The following ATAD2B variants were observed in gnomAD, a reference collection of about 807,000 sequenced individuals.
ATAD2B encodes ATPase family AAA domain containing 2B.
A neutral mutation model predicts 167.6 loss-of-function variants in ATAD2B; 40 were observed. The observed-to-expected ratio is 0.24, with a 90% CI of 0.19 to 0.31. ATAD2B has a LOEUF of 0.31. Ranked by LOEUF, ATAD2B falls within the 10% of genes least tolerant of loss-of-function variation. ATAD2B has a pLI of 1.00. For synonymous variants in ATAD2B, 579 were observed against 596.5 expected, an observed-to-expected ratio of 0.97 and a Z score of 0.43; for missense variants, 1,242 against 1,757.2, an observed-to-expected ratio of 0.71 and a Z score of 5.24.
chr2:23,836,005 C>T (rs1047414875), intron 13 of ATAD2B, among the ~76,000 whole-genome samples: 1 of 151,840 alleles, frequency 6.6e-6, no homozygotes, highest in South Asian at 2.1e-4. Context: ...GCTTTTCTGG[C>T]TGGAAACCTC....
At chr2:23,745,417 G>GAAGGAAGGAAGGAAGGAAGA (rs1553367898), downstream of ATAD2B, among the ~76,000 whole-genome samples, 52 of 113,404 alleles carry the variant, frequency 4.6e-4, no homozygotes, top group African/African-American at 1.7e-3. Context: ...AGGAAGGAAG[G>GAAGGAAGGAAGGAAGGAAGA]AAGGAAAGGG....
At chr2:23,804,848 T>C (rs544371901) in intron 18 of ATAD2B, among the ~76,000 whole-genome samples, 6 of 151,858 alleles carry the variant, frequency 4.0e-5, no homozygotes, top group Non-Finnish European at 7.4e-5. Flanking sequence ...ACTTTGAAAA[T>C]ATTTCTCTTG....
At chr2:23,863,274 A>T (rs545304369) in intron 12 of ATAD2B, 107 bp downstream of exon 12, 496 of 1,082,452 alleles carry the variant, frequency 4.6e-4, no homozygotes, top group Non-Finnish European at 6.1e-4. Flanking sequence ...ACGCTATTGC[A>T]CTCACTCCAG....
chr2:23,698,025 A>G, the ATAD2B span: 14 of 152,360 alleles, frequency 9.2e-5, no homozygotes, highest in Non-Finnish European at 1.8e-4. Context: ...GTTGATAAAT[A>G]TAGGGATTTG....
chr2:23,910,425 G>A (rs1406301114), intron 1 of ATAD2B, among the ~76,000 whole-genome samples: 1 of 149,830 alleles, frequency 6.7e-6, no homozygotes, highest in African/African-American at 2.5e-5. Flanking sequence ...TGATCCACCT[G>A]CCTAGGCCTC....
chr2:23,713,987 A>C, the ATAD2B span, among the ~76,000 whole-genome samples: 19 of 152,200 alleles, frequency 1.2e-4, no homozygotes, highest in African/African-American at 4.6e-4. Flanking sequence ...GATTTCTCAG[A>C]ATCAAAAACA....
At chr2:23,771,792 G>A (rs1490019287) in intron 22 of ATAD2B, among the ~76,000 whole-genome samples, 6 of 152,108 alleles carry the variant, frequency 3.9e-5, no homozygotes, top group Non-Finnish European at 7.4e-5. Flanking sequence ...GCCTCAGATA[G>A]TTTTCTCACA....
intron 13 of ATAD2B, chr2:23,856,502 TATAC>T (rs1693438083): frequency 5.3e-6 from 2 of 378,028 alleles, no homozygotes; most frequent in South Asian, 4.1e-5. Flanking sequence ...TAAATAGTAG[TATAC>T]ACACACACAT....
At chr2:23,772,901 C>T (rs1678555758) in intron 22 of ATAD2B, among the ~76,000 whole-genome samples, 1 of 152,136 alleles carries the variant, frequency 6.6e-6, no homozygotes, top group Admixed American at 6.5e-5. Context: ...CCACGCCTGG[C>T]TAATTTTTGT....
At chr2:23,727,414 T>C in the ATAD2B span, among the ~76,000 whole-genome samples, 1 of 152,162 alleles carries the variant, frequency 6.6e-6, no homozygotes, top group African/African-American at 2.4e-5. Context: ...AAACCACACA[T>C]AGCACTAACT....
chr2:23,856,763 G>A (rs1031158835), intron 13 of ATAD2B, among the ~76,000 whole-genome samples: 10 of 152,048 alleles, frequency 6.6e-5, no homozygotes, highest in African/African-American at 2.4e-4. Context: ...GGGAGGCTGA[G>A]GCATAAGAAT....
At chr2:23,861,459 G>A (rs1694354014) in intron 12 of ATAD2B, among the ~76,000 whole-genome samples, 4 of 144,628 alleles carry the variant, frequency 2.8e-5, no homozygotes, top group Admixed American at 1.4e-4. Flanking sequence ...CCTTAACTTA[G>A]GAATGCAGAA....
At chr2:23,728,623 A>G in the ATAD2B span, among the ~76,000 whole-genome samples, 296 of 152,352 alleles carry the variant, frequency 1.9e-3, 2 homozygotes, top group Non-Finnish European at 1.3e-3. Flanking sequence ...TAATATTTTG[A>G]AAACAATATT....
intron 22 of ATAD2B, among the ~76,000 whole-genome samples, chr2:23,769,711 GGTT>G (rs754834171): frequency 6.2e-5 from 8 of 129,832 alleles, no homozygotes; most frequent in Admixed American, 8.0e-5. Context: ...TCTCACTGTG[GGTT>G]TTTTTTTTTT....
At chr2:23,692,608 G>A in the ATAD2B span, among the ~76,000 whole-genome samples, 151 of 152,280 alleles carry the variant, frequency 9.9e-4, no homozygotes, top group African/African-American at 3.4e-3. Flanking sequence ...TGAGGCTCGC[G>A]CACAGATGGG....
At chr2:23,794,735 TA>T (rs1053506598) in intron 19 of ATAD2B, among the ~76,000 whole-genome samples, 15 of 152,110 alleles carry the variant, frequency 9.9e-5, no homozygotes, top group Non-Finnish European at 2.1e-4. Context: ...ATACTACTAT[TA>T]AATATACTAT....
intron 20 of ATAD2B, 21 bp from the exon 21 acceptor site, chr2:23,786,244 TG>T: frequency 6.5e-7 from 1 of 1,540,902 alleles, no homozygotes; most frequent in South Asian, 1.2e-5. Context: ...CAGAAGAAAA[TG>T]TTAAGATTCC....
intron 2 of ATAD2B, among the ~76,000 whole-genome samples, chr2:23,890,683 T>G (rs1419148177): frequency 6.6e-6 from 1 of 152,218 alleles, no homozygotes; most frequent in Non-Finnish European, 1.5e-5. Context: ...GCCAAATGGT[T>G]GGAATTTCAC....
rs528498720 is a variant in ATAD2B at position 23,912,639 on chromosome 2, A to G, written c.216+13916T>C. ...TTCTAAAATAAAATTTACTTTAAAAAAAAACACCAGAATTTGAAAAATAAC... is the reference window on the plus strand; with the variant it reads ...TTCTAAAATAAAATTTACTTTAAAAGAAAACACCAGAATTTGAAAAATAAC... On this transcript the variant is annotated intron_variant, in intron 1 of 27. Transcript: ENST00000238789. 2.0e-5 allele frequency among the ~76,000 whole-genome samples: 3 copies of G among 152,344 alleles called. No homozygotes were observed. The South Asian group carries it at 6.2e-4, about 32-fold the overall frequency.
Sources: gnomAD v4.1 joint callset for allele counts (sites outside exome capture counted in the v4.1 genomes callset) on GRCh38, gnomAD v4.1.1 for gene constraint, MANE v1.5 for transcripts, NCBI Gene and HGNC (gene_info 2026-07-23, HGNC 2026-07-21) for gene names.